The following FRMD4B variants were observed in gnomAD, a reference collection of about 807,000 sequenced individuals.
The protein encoded by FRMD4B is FERM domain containing 4B.
Under a neutral mutation model 141.5 loss-of-function variants are expected in FRMD4B, and 74 were observed. The observed-to-expected ratio is 0.52, with a 90% CI of 0.43 to 0.63. FRMD4B has a LOEUF of 0.63. Among genes scored for constraint, FRMD4B ranks in the 30% least tolerant of loss-of-function variants. FRMD4B has a pLI of 0.00. For synonymous variants in FRMD4B, 506 were observed against 467.9 expected (o/e 1.08, Z -1.05); for missense variants, 1,366 against 1,253.4 (o/e 1.09, Z -1.36).
At chr3:69,522,656 G>A (rs1312998871) in intron 1 of FRMD4B, among the ~76,000 whole-genome samples, 4 of 152,110 alleles carry the variant, frequency 2.6e-5, no homozygotes, top group South Asian at 2.1e-4. Context: ...GCATGTCCAA[G>A]CTAAAGCACC....
intron 5 of FRMD4B, among the ~76,000 whole-genome samples, chr3:69,266,923 C>G (rs1489456315): frequency 6.6e-6 from 1 of 152,204 alleles, no homozygotes; most frequent in African/African-American, 2.4e-5. Flanking sequence ...ACAAGACAGA[C>G]TAACATTGCA....
intron 1 of FRMD4B, among the ~76,000 whole-genome samples, chr3:69,533,188 G>A (rs971266764): frequency 5.3e-5 from 8 of 152,136 alleles, no homozygotes; most frequent in African/African-American, 1.9e-4. Context: ...TGTTGTAGGG[G>A]GCAATAGTCT....
At chr3:69,367,589 ATCT>A (rs1703705045) in intron 1 of FRMD4B, among the ~76,000 whole-genome samples, 1 of 145,278 alleles carries the variant, frequency 6.9e-6, no homozygotes, top group African/African-American at 2.7e-5. Flanking sequence ...ATTGACAATT[ATCT>A]GGGCCAATAT....
intron 1 of FRMD4B, among the ~76,000 whole-genome samples, chr3:69,437,866 GTATATA>G (rs1705284780): frequency 1.6e-5 from 2 of 124,594 alleles, no homozygotes; most frequent in African/African-American, 6.4e-5. Flanking sequence ...TATATATGTA[GTATATA>G]TGTAGTATAT....
At chr3:69,428,351 A>G (rs186715427) in intron 2 of FRMD4B, among the ~76,000 whole-genome samples, 1 of 149,182 alleles carries the variant, frequency 6.7e-6, no homozygotes, top group Non-Finnish European at 1.5e-5. Flanking sequence ...TGGGGATTAA[A>G]TGAGTTAACA....
intron 1 of FRMD4B, among the ~76,000 whole-genome samples, chr3:69,502,117 T>G (rs1706508566): frequency 1.3e-5 from 2 of 152,168 alleles, no homozygotes; most frequent in Non-Finnish European, 2.9e-5. Flanking sequence ...CAAGGTAATT[T>G]ATAGATTCAA....
At chr3:69,257,809 G>C (rs2093502071) in intron 5 of FRMD4B, among the ~76,000 whole-genome samples, 1 of 151,648 alleles carries the variant, frequency 6.6e-6, no homozygotes, top group Non-Finnish European at 1.5e-5. Flanking sequence ...CTACAGGTGT[G>C]TATCACCATG....
chr3:69,270,339 T>G (rs1050836982), intron 5 of FRMD4B, among the ~76,000 whole-genome samples: 2 of 152,228 alleles, frequency 1.3e-5, no homozygotes, highest in Non-Finnish European at 2.9e-5. Flanking sequence ...CTTAGGGCTC[T>G]TAGGCATGTG....
At chr3:69,409,605 G>A (rs542716014) in intron 2 of FRMD4B, among the ~76,000 whole-genome samples, 1 of 152,216 alleles carries the variant, frequency 6.6e-6, no homozygotes, top group South Asian at 2.1e-4. Flanking sequence ...ACACAACCCA[G>A]GTGCTAACCT....
At chr3:69,232,325 A>G (rs1353943733) in intron 7 of FRMD4B, among the ~76,000 whole-genome samples, 1 of 152,190 alleles carries the variant, frequency 6.6e-6, no homozygotes, top group African/African-American at 2.4e-5. Context: ...GCTTCTCTCC[A>G]TAATTTCAGC....
intron 11 of FRMD4B, among the ~76,000 whole-genome samples, chr3:69,211,329 G>A (rs978924254): frequency 1.3e-5 from 2 of 152,050 alleles, no homozygotes; most frequent in African/African-American, 4.8e-5. Flanking sequence ...GACACCAGGG[G>A]CAGAGGTTGG....
chr3:69,185,230 G>A (rs2092752418), intron 19 of FRMD4B, among the ~76,000 whole-genome samples: 1 of 151,362 alleles, frequency 6.6e-6, no homozygotes, highest in African/African-American at 2.4e-5. Context: ...GAACCTGGGA[G>A]GCGGAGCTTG....
intron 2 of FRMD4B, among the ~76,000 whole-genome samples, chr3:69,426,049 G>A (rs908709903): frequency 2.6e-5 from 4 of 152,124 alleles, no homozygotes; most frequent in African/African-American, 9.7e-5. Context: ...AAGAACACAG[G>A]CCATTTCCTA....
At chr3:69,457,374 A>T (rs1420217702) in intron 1 of FRMD4B, among the ~76,000 whole-genome samples, 1 of 152,224 alleles carries the variant, frequency 6.6e-6, no homozygotes, top group Non-Finnish European at 1.5e-5. Context: ...TCAATTTTCC[A>T]TAATAAACAT....
intron 7 of FRMD4B, among the ~76,000 whole-genome samples, chr3:69,234,153 G>A (rs912043579): frequency 6.6e-6 from 1 of 151,804 alleles, no homozygotes; most frequent in Non-Finnish European, 1.5e-5. Flanking sequence ...GGCTGAGGCA[G>A]GAGAATTGCT....
chr3:69,216,287 T>C lies in FRMD4B; in HGVS notation c.852A>G (p.Ile284Met). ...CCTTCCGAGGCTTCACCTTGTCTTG[T>C]ATATCATATTGGCCAATTCCCTTAT... ...ISYKGIGQYD[I>M]QDKVKPRKLF... The change falls in exon 11 of 23, where the codon ATA becomes ATG. Residue 284 changes from isoleucine to methionine, a missense_variant. Physicochemically the swap from Ile to Met is conservative, Grantham distance 10. Transcript: ENST00000398540. 1 of 1,565,906 alleles carries C rather than the reference T, an allele frequency of 6.4e-7. No homozygotes were observed. Among genetic ancestry groups the C allele is most frequent in the African/African-American group, 1.3e-5 (1 of 74,368 alleles).
rs55847019 is a variant in FRMD4B, at chr3:69,323,608, G to GTATATATA, written c.163-10099_163-10092dup. On this transcript the variant is annotated intron_variant, in intron 1 of 22. Coordinates refer to ENST00000398540, the MANE Select transcript of FRMD4B (RefSeq NM_015123.3). ...CCCAACTCTCTCTCTCTCTCTCTGT[G>GTATATATA]TATATATATATATATATATATATAT... is the stretch of plus-strand genomic sequence containing the variant. 5.4e-3 allele frequency among the ~76,000 whole-genome samples: 550 copies of GTATATATA among 101,480 alleles called. 8 individuals carry two copies. The highest frequency in any genetic ancestry group is 7.7e-3 in the Non-Finnish European group (396 of 51,340). 66.6% of individuals were successfully genotyped at this position (101,480 alleles called of 152,430 possible).
intron 1 of FRMD4B, among the ~76,000 whole-genome samples, chr3:69,339,328 A>G (rs1575745259): frequency 6.6e-6 from 1 of 152,316 alleles, no homozygotes; most frequent in East Asian, 1.9e-4. Context: ...AGAGTCAAGC[A>G]TGGACTTTGG....
chr3:69,232,797 G>C lies in FRMD4B; in HGVS notation c.582-8107C>G, dbSNP rs188524756. ...ACACTGGGCATGCTAGTACTTCCTA[G>C]AGAAAACTAAGACCCTTGCTGTCTA... On this transcript the variant is annotated intron_variant, in intron 7 of 22. Coordinates refer to ENST00000398540, the MANE Select transcript of FRMD4B (RefSeq NM_015123.3). Among the ~76,000 whole-genome samples the C allele has an allele frequency of 4.6e-5, 7 of 151,630 alleles. No homozygotes were observed. The East Asian group carries it at 1.4e-3, about 29-fold the overall frequency.
Sources: gnomAD v4.1 joint callset for allele counts (sites outside exome capture counted in the v4.1 genomes callset) on GRCh38, gnomAD v4.1.1 for gene constraint, MANE v1.5 for transcripts, NCBI Gene and HGNC (gene_info 2026-07-23, HGNC 2026-07-21) for gene names.